GRXCR1: variants seen among roughly 807,000 people sequenced by gnomAD.
GRXCR1 encodes the protein glutaredoxin and cysteine rich domain containing 1.
A neutral mutation model predicts 27.3 loss-of-function variants in GRXCR1; 27 were observed. That is an observed-to-expected ratio of 0.99 (90% CI 0.73 to 1.37). GRXCR1 has a LOEUF of 1.37. GRXCR1 is among the 40% of genes most tolerant of loss of function. The probability of loss-of-function intolerance (pLI) is 0.00; values close to 1 mark genes in which losing one functional copy is unlikely to be tolerated. For synonymous variants in GRXCR1, 122 were observed against 131.1 expected (o/e 0.93, Z 0.47); for missense variants, 379 against 354.4 (o/e 1.07, Z -0.56).
At chr4:42,983,487 T>C (rs1249055828) in intron 2 of GRXCR1, among the ~76,000 whole-genome samples, 22 of 151,594 alleles carry the variant, frequency 1.5e-4, no homozygotes, top group African/African-American at 5.3e-4. Flanking sequence ...AGTCAGGTAG[T>C]GTGATGCCTC....
chr4:43,012,570 A>T (rs1476342172), intron 2 of GRXCR1, among the ~76,000 whole-genome samples: 1 of 152,098 alleles, frequency 6.6e-6, no homozygotes, highest in Admixed American at 6.6e-5. Flanking sequence ...ACTACTTCTA[A>T]CTAACAACTA....
intron 3 of GRXCR1, among the ~76,000 whole-genome samples, chr4:43,029,072 G>A (rs1713343963): frequency 6.6e-6 from 1 of 152,156 alleles, no homozygotes; most frequent in Admixed American, 6.5e-5. Context: ...TTAGATTGAT[G>A]TTTTGTAAGT....
intron 2 of GRXCR1, among the ~76,000 whole-genome samples, chr4:43,010,807 A>G (rs1162785592): frequency 6.6e-6 from 1 of 152,216 alleles, no homozygotes; most frequent in Non-Finnish European, 1.5e-5. Flanking sequence ...TTAGACTAGT[A>G]TTACTTCCAC....
intron 1 of GRXCR1, among the ~76,000 whole-genome samples, chr4:42,922,480 G>A (rs1247677237): frequency 3.9e-5 from 6 of 152,144 alleles, no homozygotes; most frequent in Non-Finnish European, 8.8e-5. Flanking sequence ...AAGCCCATGA[G>A]GCTCTGGAAG....
rs1021550695 is a variant in GRXCR1 at position 42,903,537 on chromosome 4, C to A, written c.384+9887C>A. ...CCATGTTAGCCAGGATGGTCTCTAT[C>A]TCCAGACCTTGTGATCCGCCCGCCT... On this transcript the variant is annotated intron_variant, in intron 1 of 3. Coordinates refer to ENST00000399770, the MANE Select transcript of GRXCR1 (RefSeq NM_001080476.3). Among the ~76,000 whole-genome samples, 24 of 147,310 alleles carry A rather than the reference C, an allele frequency of 1.6e-4. 2 individuals are homozygous for A. Among genetic ancestry groups the A allele is most frequent in the African/African-American group, 5.9e-4 (24 of 40,434 alleles).
intron 1 of GRXCR1, among the ~76,000 whole-genome samples, chr4:42,954,302 G>T (rs1747950469): frequency 6.6e-6 from 1 of 152,146 alleles, no homozygotes; most frequent in Non-Finnish European, 1.5e-5. Flanking sequence ...AAAGCGTAGG[G>T]ATGAGTAATG....
intron 1 of GRXCR1, among the ~76,000 whole-genome samples, chr4:42,902,620 G>A (rs1746486619): frequency 6.6e-6 from 1 of 152,138 alleles, no homozygotes; most frequent in Non-Finnish European, 1.5e-5. Context: ...AATGGAATGA[G>A]GAGCTGAATG....
chr4:42,979,474 T>A (rs552872236), intron 2 of GRXCR1, among the ~76,000 whole-genome samples: 1 of 152,238 alleles, frequency 6.6e-6, no homozygotes, highest in African/African-American at 2.4e-5. Context: ...TAATGTGATA[T>A]ATCACATTTC....
chr4:43,001,765 G>C (rs959452068), intron 2 of GRXCR1, among the ~76,000 whole-genome samples: 1 of 152,142 alleles, frequency 6.6e-6, no homozygotes, highest in African/African-American at 2.4e-5. Context: ...CGGTGCTCCA[G>C]CACACCAAGG....
chr4:42,924,064 C>T (rs1375220053), intron 1 of GRXCR1, among the ~76,000 whole-genome samples: 1 of 151,970 alleles, frequency 6.6e-6, no homozygotes, highest in Non-Finnish European at 1.5e-5. Context: ...CCTAGCTCAC[C>T]TAAAGTAGAA....
intron 1 of GRXCR1, among the ~76,000 whole-genome samples, chr4:42,916,057 G>A (rs1379069551): frequency 6.8e-6 from 1 of 147,076 alleles, no homozygotes; most frequent in Non-Finnish European, 1.5e-5. Context: ...AATTCCGTAT[G>A]TTTGAAGATT....
In GRXCR1 at chr4:42,925,208, G is replaced by A. The variant is rs149620222; in HGVS notation, c.384+31558G>A. On this transcript the variant is annotated intron_variant, in intron 1 of 3. Coordinates refer to ENST00000399770, the MANE Select transcript of GRXCR1 (RefSeq NM_001080476.3). ...AAAGGTTGGATGCCCCTTTAACTAG[G>A]ACCAAGATTACATGTTTTTGGAAGG... Among the ~76,000 whole-genome samples the A allele has an allele frequency of 2.4e-4, 36 of 152,070 alleles. 1 individual carries two copies. In the East Asian group the frequency reaches 6.2e-3, roughly 26 times the overall value.
intron 2 of GRXCR1, among the ~76,000 whole-genome samples, chr4:42,999,586 C>T (rs1712282351): frequency 6.6e-6 from 1 of 152,198 alleles, no homozygotes; most frequent in Non-Finnish European, 1.5e-5. Context: ...CTGTCTTTGG[C>T]TCCTATGCCT....
At chr4:42,943,582 A>G (rs1346747367) in intron 1 of GRXCR1, among the ~76,000 whole-genome samples, 1 of 152,110 alleles carries the variant, frequency 6.6e-6, no homozygotes, top group African/African-American at 2.4e-5. Flanking sequence ...GGCAGGGAGC[A>G]TCTAGAGCAC....
chr4:42,981,848 T>A (rs762734457), intron 2 of GRXCR1, among the ~76,000 whole-genome samples: 14 of 152,198 alleles, frequency 9.2e-5, no homozygotes, highest in African/African-American at 3.1e-4. Context: ...TCTTTTGCTT[T>A]CGGGATCTTC....
chr4:42,985,628 A>G (rs991696466), intron 2 of GRXCR1, among the ~76,000 whole-genome samples: 1 of 151,636 alleles, frequency 6.6e-6, no homozygotes, highest in African/African-American at 2.4e-5. Context: ...TAGAAAAACT[A>G]TATTAAATAT....
intron 2 of GRXCR1, among the ~76,000 whole-genome samples, chr4:43,010,410 A>T (rs1712709725): frequency 6.6e-6 from 1 of 152,038 alleles, no homozygotes; most frequent in South Asian, 2.1e-4. Context: ...TCTCAAAAAA[A>T]AAAAAAAAGA....
chr4:42,964,878 C>G (rs1248667936), intron 2 of GRXCR1, among the ~76,000 whole-genome samples: 5 of 152,028 alleles, frequency 3.3e-5, no homozygotes, highest in African/African-American at 1.2e-4. Context: ...TAAACTCAAC[C>G]ACACTAGGGA....
chr4:42,966,455 G>A (rs923523320), intron 2 of GRXCR1, among the ~76,000 whole-genome samples: 2 of 152,056 alleles, frequency 1.3e-5, no homozygotes, highest in African/African-American at 4.8e-5. Flanking sequence ...TATGTTTAAA[G>A]TACTGCATTA....
Sources: gnomAD v4.1 joint callset for allele counts (sites outside exome capture counted in the v4.1 genomes callset) on GRCh38, gnomAD v4.1.1 for gene constraint, MANE v1.5 for transcripts, NCBI Gene and HGNC (gene_info 2026-07-23, HGNC 2026-07-21) for gene names.